CIMIP7: variants seen among roughly 807,000 people sequenced by gnomAD.
CIMIP7 encodes the protein ciliary microtubule inner protein 7.
the CIMIP7 span, among the ~76,000 whole-genome samples, chr3:49,186,854 T>A: frequency 6.6e-6 from 1 of 152,264 alleles, no homozygotes; most frequent in Non-Finnish European, 1.5e-5. Flanking sequence ...CTTTGCAAGA[T>A]GTTACCATTG....
the CIMIP7 span, among the ~76,000 whole-genome samples, chr3:49,184,468 T>G: frequency 6.6e-6 from 1 of 152,138 alleles, no homozygotes; most frequent in African/African-American, 2.4e-5. Flanking sequence ...ATTACAGGCA[T>G]GTGCCACCAC....
the CIMIP7 span, among the ~76,000 whole-genome samples, chr3:49,183,288 T>C: frequency 6.6e-6 from 1 of 152,170 alleles, no homozygotes; most frequent in African/African-American, 2.4e-5. Flanking sequence ...CAACATCAGG[T>C]ATTGGTGAGA....
chr3:49,178,521 G>C, the CIMIP7 span: 22 of 1,613,670 alleles, frequency 1.4e-5, no homozygotes, highest in Non-Finnish European at 1.9e-5. Context: ...TGGAGAAGAA[G>C]TGTCGCTGCG....
the CIMIP7 span, among the ~76,000 whole-genome samples, chr3:49,186,206 T>G: frequency 6.7e-6 from 1 of 149,594 alleles, no homozygotes; most frequent in East Asian, 2.0e-4. Context: ...TCCATGTTGG[T>G]CAGGCTGGTC....
the CIMIP7 span, chr3:49,190,145 C>G: frequency 6.3e-7 from 1 of 1,586,912 alleles, no homozygotes; most frequent in Non-Finnish European, 8.6e-7. Context: ...TGTGCTATAA[C>G]AAGACAGGAA....
chr3:49,178,161 T>C, the CIMIP7 span: 2 of 1,105,564 alleles, frequency 1.8e-6, no homozygotes, highest in South Asian at 3.3e-5. Context: ...CCTGGCTGTC[T>C]TGGCCTGTAC....
the CIMIP7 span, among the ~76,000 whole-genome samples, chr3:49,188,965 T>C: frequency 7.5e-6 from 1 of 133,930 alleles, no homozygotes; most frequent in Non-Finnish European, 1.6e-5. Flanking sequence ...TGCCCGGTTA[T>C]TTTTTTTTTT....
the CIMIP7 span, chr3:49,177,762 C>G: frequency 6.2e-7 from 1 of 1,610,188 alleles, no homozygotes; most frequent in Non-Finnish European, 8.5e-7. Context: ...TGACCGGCGC[C>G]TGGGGCCCTA....
At chr3:49,185,429 G>A in the CIMIP7 span, among the ~76,000 whole-genome samples, 5 of 151,244 alleles carry the variant, frequency 3.3e-5, no homozygotes, top group Non-Finnish European at 5.9e-5. Context: ...AGCTGGACAC[G>A]GTGGTGGGTA....
chr3:49,190,217 G>A, the CIMIP7 span: 1 of 1,022,800 alleles, frequency 9.8e-7, no homozygotes, highest in Middle Eastern at 2.2e-4. Flanking sequence ...CCAACTGAGG[G>A]TTCCAGGAAA....
At chr3:49,179,176 C>T in the CIMIP7 span, among the ~76,000 whole-genome samples, 1 of 152,118 alleles carries the variant, frequency 6.6e-6, no homozygotes, top group East Asian at 1.9e-4. Flanking sequence ...TTCTCTCATA[C>T]CCCACATTGA....
chr3:49,190,206 C>A, the CIMIP7 span: 1 of 1,141,094 alleles, frequency 8.8e-7, no homozygotes, highest in Non-Finnish European at 1.3e-6. Flanking sequence ...ACCTCAGGGC[C>A]CCAACTGAGG....
At chr3:49,190,138 G>A in the CIMIP7 span, 2 of 1,592,232 alleles carry the variant, frequency 1.3e-6, no homozygotes, top group Non-Finnish European at 1.7e-6. Flanking sequence ...CCATTGTTGT[G>A]CTATAACAAG....
the CIMIP7 span, among the ~76,000 whole-genome samples, chr3:49,190,451 T>G: frequency 6.6e-6 from 1 of 151,706 alleles, no homozygotes. Flanking sequence ...GTGTGGTCCT[T>G]CCCTAAAGAG....
the CIMIP7 span, among the ~76,000 whole-genome samples, chr3:49,187,211 T>C: frequency 1.3e-5 from 2 of 152,242 alleles, no homozygotes; most frequent in African/African-American, 4.8e-5. Context: ...CTGGGTATTC[T>C]TGCCCTGCAA....
At chr3:49,189,095 G>A in the CIMIP7 span, among the ~76,000 whole-genome samples, 11 of 151,792 alleles carry the variant, frequency 7.2e-5, no homozygotes, top group South Asian at 1.9e-3. Context: ...TTAGCCTCCC[G>A]AATAGCTGGG....
the CIMIP7 span, chr3:49,191,783 G>A: frequency 6.4e-7 from 1 of 1,553,866 alleles, no homozygotes; most frequent in Non-Finnish European, 8.6e-7. Flanking sequence ...TTTCCAAGAA[G>A]GGAGCAGAAA....
the CIMIP7 span, chr3:49,191,642 G>A: frequency 2.3e-6 from 3 of 1,318,732 alleles, no homozygotes; most frequent in East Asian, 6.9e-5. Context: ...ATTCCAGGTT[G>A]GATGCCAAAT....
the CIMIP7 span, among the ~76,000 whole-genome samples, chr3:49,190,928 A>G: frequency 1.3e-5 from 2 of 152,062 alleles, no homozygotes; most frequent in Non-Finnish European, 2.9e-5. Flanking sequence ...TGGCCTCCCA[A>G]AGTGCTGGGA....
Sources: gnomAD v4.1 joint callset for allele counts (sites outside exome capture counted in the v4.1 genomes callset) on GRCh38, gnomAD v4.1.1 for gene constraint, MANE v1.5 for transcripts, NCBI Gene and HGNC (gene_info 2026-07-23, HGNC 2026-07-21) for gene names.